Variants in AUTS2 observed in about 807,000 individuals in gnomAD.
AUTS2 encodes the protein autism susceptibility gene 2 protein.
Under a neutral mutation model 112.4 loss-of-function variants are expected in AUTS2, and 17 were observed. That is an observed-to-expected ratio of 0.15 (90% CI 0.10 to 0.23). The LOEUF is 0.23. AUTS2 is among the 10% of genes least tolerant of loss of function. AUTS2 has a pLI of 1.00. For synonymous variants in AUTS2, 751 were observed against 702.7 expected, an observed-to-expected ratio of 1.07 and a Z score of -1.09; for missense variants, 1,510 against 1,701.6, an observed-to-expected ratio of 0.89 and a Z score of 1.98.
chr7:70,586,891 C>CAG (rs2067149), intron 5 of AUTS2, among the ~76,000 whole-genome samples: 21,039 of 152,162 alleles, frequency 0.14, 1,732 homozygotes, highest in East Asian at 0.2. Flanking sequence ...TTGCAGGAAA[C>CAG]AGGAAGGAGG....
intron 5 of AUTS2, among the ~76,000 whole-genome samples, chr7:70,494,971 A>T (rs1019411551): frequency 6.6e-6 from 1 of 152,078 alleles, no homozygotes; most frequent in Non-Finnish European, 1.5e-5. Flanking sequence ...AAGAAAAGTA[A>T]TTTTTTAAAG....
At chr7:69,638,734 A>G (rs1352097456) in intron 1 of AUTS2, among the ~76,000 whole-genome samples, 1 of 152,234 alleles carries the variant, frequency 6.6e-6, no homozygotes, top group Non-Finnish European at 1.5e-5. Context: ...GTCAAAAGAC[A>G]TTGAATTGAC....
intron 1 of AUTS2, among the ~76,000 whole-genome samples, chr7:69,763,637 T>C (rs1436617269): frequency 6.6e-6 from 1 of 152,208 alleles, no homozygotes; most frequent in African/African-American, 2.4e-5. Context: ...TTGGGAAGAT[T>C]ACTTGCTTTT....
At chr7:69,747,270 T>C (rs540393745) in intron 1 of AUTS2, among the ~76,000 whole-genome samples, 4 of 152,354 alleles carry the variant, frequency 2.6e-5, no homozygotes, top group African/African-American at 4.8e-5. Context: ...TGTGTTGTTA[T>C]CTGCAAAGTT....
At chr7:70,655,422 C>A (rs56691608) in intron 5 of AUTS2, among the ~76,000 whole-genome samples, 1 of 152,104 alleles carries the variant, frequency 6.6e-6, no homozygotes, top group African/African-American at 2.4e-5. Flanking sequence ...GACCTAGGAC[C>A]CTTCCACCTT....
chr7:70,149,439 G>A (rs541324233), intron 4 of AUTS2, among the ~76,000 whole-genome samples: 1 of 152,066 alleles, frequency 6.6e-6, no homozygotes, highest in South Asian at 2.1e-4. Flanking sequence ...TCTTGCATTA[G>A]TTTTAATTTT....
At chr7:70,736,050 GTATAAC>G (rs896531627) in intron 6 of AUTS2, among the ~76,000 whole-genome samples, 48 of 151,732 alleles carry the variant, frequency 3.2e-4, no homozygotes, top group Middle Eastern at 3.2e-3. Context: ...GTGTGTGTGT[GTATAAC>G]TATAACAATT....
chr7:69,884,204 C>T (rs1002036966), intron 1 of AUTS2, among the ~76,000 whole-genome samples: 1 of 152,164 alleles, frequency 6.6e-6, no homozygotes, highest in African/African-American at 2.4e-5. Context: ...CTTAGTAACT[C>T]AAAACTCTGC....
chr7:70,162,242 C>T (rs966527784), intron 4 of AUTS2, among the ~76,000 whole-genome samples: 3 of 150,836 alleles, frequency 2.0e-5, no homozygotes, highest in African/African-American at 7.3e-5. Context: ...GTCAGGAGAT[C>T]GAGACCATCC....
chr7:70,062,265 C>T (rs925749021), intron 2 of AUTS2, among the ~76,000 whole-genome samples: 12 of 151,850 alleles, frequency 7.9e-5, no homozygotes, highest in Admixed American at 5.9e-4. Flanking sequence ...AATCCCAGCA[C>T]TTTGGGAGGC....
intron 2 of AUTS2, among the ~76,000 whole-genome samples, chr7:70,078,874 A>G (rs1005642028): frequency 3.1e-4 from 47 of 152,254 alleles, no homozygotes; most frequent in Admixed American, 2.0e-4. Flanking sequence ...GTCTGCTCTC[A>G]TGTTTTCATT....
chr7:70,543,940 A>G (rs964599824), intron 5 of AUTS2, among the ~76,000 whole-genome samples: 1 of 152,056 alleles, frequency 6.6e-6, no homozygotes, highest in Non-Finnish European at 1.5e-5. Flanking sequence ...AGGGATGTGT[A>G]CCCTCTCTTT....
intron 4 of AUTS2, among the ~76,000 whole-genome samples, chr7:70,247,763 C>T (rs1562819350): frequency 6.6e-6 from 1 of 152,102 alleles, no homozygotes; most frequent in Non-Finnish European, 1.5e-5. Context: ...TATCCAGTTA[C>T]CTATGACATT....
intron 1 of AUTS2, among the ~76,000 whole-genome samples, chr7:69,801,260 C>T (rs1428297017): frequency 1.3e-5 from 2 of 149,726 alleles, no homozygotes; most frequent in African/African-American, 2.5e-5. Context: ...ATTAACATGG[C>T]TAGATTTAGC....
At chr7:69,971,878 C>G (rs1388456723) in intron 2 of AUTS2, among the ~76,000 whole-genome samples, 1 of 152,152 alleles carries the variant, frequency 6.6e-6, no homozygotes. Context: ...CCTAGAAGTA[C>G]TATGAACATT....
At chr7:70,242,794 G>A (rs1216857431) in intron 4 of AUTS2, among the ~76,000 whole-genome samples, 1 of 149,688 alleles carries the variant, frequency 6.7e-6, no homozygotes, top group Admixed American at 6.7e-5. Flanking sequence ...ACTTCCCTAT[G>A]TTGGGTCTGA....
intron 1 of AUTS2, among the ~76,000 whole-genome samples, chr7:69,705,615 T>G (rs1450226649): frequency 6.6e-6 from 1 of 152,246 alleles, no homozygotes; most frequent in Non-Finnish European, 1.5e-5. Context: ...AAGTGGAAAT[T>G]AATCTGAAGA....
At chr7:69,860,578 G>A (rs979095515) in intron 1 of AUTS2, among the ~76,000 whole-genome samples, 1 of 152,030 alleles carries the variant, frequency 6.6e-6, no homozygotes, top group African/African-American at 2.4e-5. Context: ...GAGCTGGTCC[G>A]TCTGTCACTG....
intron 4 of AUTS2, among the ~76,000 whole-genome samples, chr7:70,435,261 A>G (rs1047023437): frequency 3.3e-5 from 5 of 152,254 alleles, no homozygotes; most frequent in Non-Finnish European, 7.3e-5. Context: ...ATGAGTGACT[A>G]CAACGCCCAG....
Sources: allele counts gnomAD v4.1 joint callset (sites outside exome capture counted in the v4.1 genomes callset), GRCh38; gene constraint gnomAD v4.1.1; transcripts MANE v1.5; gene names NCBI Gene and HGNC (gene_info 2026-07-23, HGNC 2026-07-21).